Variants in WDFY4 observed in about 807,000 individuals in gnomAD.
WDFY4 encodes the protein WD repeat- and FYVE domain-containing protein 4.
Under a neutral mutation model 351.9 loss-of-function variants are expected in WDFY4, and 169 were observed. That is an observed-to-expected ratio of 0.48 (90% CI 0.42 to 0.55). The LOEUF (loss-of-function observed/expected upper bound fraction) is 0.55, where lower values mean the gene tolerates loss of function less well. Among genes scored for constraint, WDFY4 ranks in the 20% least tolerant of loss-of-function variants. The pLI, the probability that WDFY4 is intolerant of heterozygous loss-of-function variation, is 0.00. For synonymous variants in WDFY4, 1,622 were observed against 1,574.6 expected (o/e 1.03, Z -0.71); for missense variants, 3,803 against 3,935.6 (o/e 0.97, Z 0.90).
intron 47 of WDFY4, among the ~76,000 whole-genome samples, chr10:48,931,990 T>G (rs1463024869): frequency 6.6e-6 from 1 of 152,154 alleles, no homozygotes; most frequent in Non-Finnish European, 1.5e-5. Context: ...AAAAGGCCGG[T>G]GGGTAGGCTG....
chr10:48,763,198 C>T (rs1393387735), intron 13 of WDFY4, among the ~76,000 whole-genome samples: 2 of 152,214 alleles, frequency 1.3e-5, no homozygotes, highest in Non-Finnish European at 2.9e-5. Flanking sequence ...TCACAGCAAC[C>T]TTTTGAAGTC....
At chr10:48,766,253 G>T (rs2065666900) in intron 13 of WDFY4, among the ~76,000 whole-genome samples, 1 of 152,124 alleles carries the variant, frequency 6.6e-6, no homozygotes, top group Admixed American at 6.5e-5. Flanking sequence ...AAAATCTCAG[G>T]TTCTGGTCAA....
intron 2 of WDFY4, among the ~76,000 whole-genome samples, chr10:48,710,516 T>C (rs2063741953): frequency 6.6e-6 from 1 of 152,202 alleles, no homozygotes; most frequent in South Asian, 2.1e-4. Flanking sequence ...TTCTGAGTAA[T>C]ACTGTCTCTT....
intron 1 of WDFY4, among the ~76,000 whole-genome samples, chr10:48,697,672 C>A (rs1010277117): frequency 2.6e-5 from 4 of 152,202 alleles, no homozygotes; most frequent in African/African-American, 9.7e-5. Context: ...GATCATGGCC[C>A]CATACCTCCT....
rs146912189 is a variant in WDFY4, at chr10:48,819,347, G to A, written c.5506-887G>A. Among the ~76,000 whole-genome samples the A allele has an allele frequency of 1.1e-4, 17 of 152,342 alleles. No homozygotes were observed. In the East Asian group the frequency reaches 3.3e-3, roughly 29 times the overall value. On this transcript the variant is annotated intron_variant, in intron 32 of 61. Transcript: ENST00000325239. ...GGCTGGTGGCCAAAGGCTTGGATTTGCTGTGAATTTATATGGCATCTTTCC... is the reference window on the plus strand; with the variant it reads ...GGCTGGTGGCCAAAGGCTTGGATTTACTGTGAATTTATATGGCATCTTTCC...
intron 47 of WDFY4, among the ~76,000 whole-genome samples, chr10:48,939,702 A>G (rs1840649591): frequency 6.6e-6 from 1 of 152,244 alleles, no homozygotes. Flanking sequence ...TCACCTTCAG[A>G]TTAATATGAT....
Position 48,731,389 on chromosome 10 carries a change from T to C in WDFY4, c.1409T>C (p.Val470Ala). The C allele has an allele frequency of 6.4e-7, 1 of 1,551,720 alleles. No individual in the cohort carries two copies. The highest frequency in any genetic ancestry group is 8.7e-7 in the Non-Finnish European group (1 of 1,147,016). ...HYVPHEILRKVQHLIKESPGP... is the reference protein window; with the variant it reads ...HYVPHEILRKAQHLIKESPGP... ...GTGCCTCATGAGATCCTGCGAAAGG[T>C]ACAGCATCTGATCAAGGAGAGCCCT... Residue 470 changes from valine (V) to alanine (A), a missense_variant, in exon 9 of 62, where the codon GTA becomes GCA. Val to Ala is a moderately conservative substitution (Grantham distance 64, BLOSUM62 0). Coordinates refer to ENST00000325239, the MANE Select transcript of WDFY4 (RefSeq NM_001394531.1).
chr10:48,897,414 A>T (rs1837138706), intron 44 of WDFY4, 40 bp from the exon 45 acceptor site: 6 of 1,541,772 alleles, frequency 3.9e-6, no homozygotes, highest in Middle Eastern at 1.7e-4. Flanking sequence ...CCTCACTCTG[A>T]TGTCTGAACA....
At chr10:48,738,897 C>T (rs138679824) in intron 11 of WDFY4, among the ~76,000 whole-genome samples, 69 of 152,324 alleles carry the variant, frequency 4.5e-4, no homozygotes, top group African/African-American at 1.6e-3. Flanking sequence ...TGTGGTCTGT[C>T]TGCCAGCCAC....
At chr10:48,880,745 G>A (rs995700114) in intron 43 of WDFY4, among the ~76,000 whole-genome samples, 1 of 152,208 alleles carries the variant, frequency 6.6e-6, no homozygotes, top group African/African-American at 2.4e-5. Context: ...ATGTCTCTAT[G>A]CATTTTATGG....
intron 1 of WDFY4, among the ~76,000 whole-genome samples, chr10:48,706,551 A>G (rs1167822298): frequency 6.6e-6 from 1 of 152,256 alleles, no homozygotes; most frequent in Admixed American, 6.5e-5. Flanking sequence ...GGGTTAAAAA[A>G]AAGGGTAATA....
intron 1 of WDFY4, among the ~76,000 whole-genome samples, chr10:48,693,802 T>C (rs2063259707): frequency 6.6e-6 from 1 of 152,204 alleles, no homozygotes; most frequent in Admixed American, 6.5e-5. Flanking sequence ...AGCCAAGCTG[T>C]ATCTGAAAGT....
chr10:48,814,403 G>A (rs1380520321), intron 31 of WDFY4, among the ~76,000 whole-genome samples: 3 of 152,324 alleles, frequency 2.0e-5, no homozygotes, highest in South Asian at 2.1e-4. Flanking sequence ...TCCTCTCAAC[G>A]AGTCCATCTC....
At position 48,726,021 on chromosome 10, in the gene WDFY4, A is replaced by T; in HGVS notation, c.732A>T (p.Leu244=). 7 of 1,551,600 alleles carry T rather than the reference A, an allele frequency of 4.5e-6. No individual in the cohort carries two copies. Among genetic ancestry groups the T allele is most frequent in the Non-Finnish European group, 6.1e-6 (7 of 1,146,934 alleles). ...CFWKEPTFCV[L]RAISKAQNLS... ...GGAAGGAACCCACCTTCTGCGTGCT[A>T]AGGGCAATCTCCAAGGCCCAGAACC... Residue 244 remains leucine (L), a synonymous_variant, in exon 6 of 62, where the codon CTA becomes CTT. Coordinates refer to ENST00000325239, the MANE Select transcript of WDFY4 (RefSeq NM_001394531.1).
chr10:48,714,927 T>C (rs2063860049), intron 2 of WDFY4, among the ~76,000 whole-genome samples: 1 of 152,250 alleles, frequency 6.6e-6, no homozygotes, highest in Non-Finnish European at 1.5e-5. Context: ...TGAATCTAGA[T>C]GGATTTGTAT....
chr10:48,892,160 CTA>C (rs1205221869), intron 44 of WDFY4, among the ~76,000 whole-genome samples: 3 of 152,256 alleles, frequency 2.0e-5, no homozygotes, highest in Non-Finnish European at 2.9e-5. Flanking sequence ...GCTTTCTACT[CTA>C]TCCATATGCA....
chr10:48,877,006 A>G lies in WDFY4; in HGVS notation c.7001-27A>G, dbSNP rs1272139809. 1.2e-5 allele frequency: 18 copies of G among 1,445,686 alleles called. No homozygotes were observed. In the East Asian group the frequency reaches 1.8e-4, roughly 14 times the overall value. The allele number at this position is 1,445,686 out of a possible 1,614,324, so 89.6% of individuals were successfully genotyped here. On this transcript the variant is annotated intron_variant, in intron 42 of 61. Coordinates refer to ENST00000325239, the MANE Select transcript of WDFY4 (RefSeq NM_001394531.1). ...ACCATGTCAGGTGGCTCCTGTCAAC[A>G]CCACGTGTCCCTTTATGCTGCTGCA...
Position 48,768,843 on chromosome 10 carries a change from A to G in WDFY4, c.2554-5615A>G, listed in dbSNP as rs371260251. ...GAAAAAGTTTCTTGGATGAAGGGACACGTGACTTGCCTCTTGAGTAATAAG... is the reference window on the plus strand; with the variant it reads ...GAAAAAGTTTCTTGGATGAAGGGACGCGTGACTTGCCTCTTGAGTAATAAG... On this transcript the variant is annotated intron_variant, in intron 13 of 61. Transcript: ENST00000325239. Among the ~76,000 whole-genome samples the G allele has an allele frequency of 5.3e-5, 8 of 152,252 alleles. No individual in the cohort carries two copies. In the East Asian group the frequency reaches 7.7e-4, roughly 15 times the overall value.
intron 59 of WDFY4, among the ~76,000 whole-genome samples, chr10:48,977,409 C>G (rs1842618232): frequency 6.6e-6 from 1 of 151,872 alleles, no homozygotes; most frequent in Admixed American, 6.6e-5. Flanking sequence ...ATCCATCTCT[C>G]TATCCACCCA....
Sources: gnomAD v4.1 joint callset for allele counts (sites outside exome capture counted in the v4.1 genomes callset) on GRCh38, gnomAD v4.1.1 for gene constraint, MANE v1.5 for transcripts, NCBI Gene and HGNC (gene_info 2026-07-23, HGNC 2026-07-21) for gene names.